BBS9: variants seen among roughly 807,000 people sequenced by gnomAD.
BBS9 encodes the protein protein PTHB1.
A neutral mutation model predicts 117.7 loss-of-function variants in BBS9; 89 were observed. The observed-to-expected ratio is 0.76, with a 90% CI of 0.64 to 0.90. The LOEUF (loss-of-function observed/expected upper bound fraction) is 0.90, where lower values mean the gene tolerates loss of function less well. Among genes scored for constraint, BBS9 ranks in the 40% least tolerant of loss-of-function variants. BBS9 has a pLI of 0.00. For missense variants in BBS9, 982 were observed against 1,042.2 expected, an observed-to-expected ratio of 0.94 and a Z score of 0.80; for synonymous variants, 379 against 370.9, an observed-to-expected ratio of 1.02 and a Z score of -0.25.
chr7:33,514,203 AT>A (rs1847392986), intron 20 of BBS9, among the ~76,000 whole-genome samples: 1 of 152,186 alleles, frequency 6.6e-6, no homozygotes, highest in Non-Finnish European at 1.5e-5. Context: ...CTCACGGAGT[AT>A]TGGTTTCCTT....
intron 5 of BBS9, among the ~76,000 whole-genome samples, chr7:33,247,359 G>A (rs1795505853): frequency 6.6e-6 from 1 of 152,074 alleles, no homozygotes; most frequent in African/African-American, 2.4e-5. Flanking sequence ...AGGGGTCTGG[G>A]ATAAGGATGC....
intron 9 of BBS9, among the ~76,000 whole-genome samples, chr7:33,329,856 A>G (rs935425542): frequency 6.6e-6 from 1 of 152,040 alleles, no homozygotes. Flanking sequence ...TAAAATGTAC[A>G]TTTTTTGATT....
intron 19 of BBS9, among the ~76,000 whole-genome samples, chr7:33,466,658 A>G (rs1840208890): frequency 6.6e-6 from 1 of 152,150 alleles, no homozygotes; most frequent in Non-Finnish European, 1.5e-5. Context: ...GTGGAAGAGT[A>G]AGAATCATGA....
chr7:33,487,169 G>A (rs1211008908), intron 19 of BBS9, among the ~76,000 whole-genome samples: 5 of 152,094 alleles, frequency 3.3e-5, no homozygotes, highest in African/African-American at 4.8e-5. Flanking sequence ...CTCTTAAATA[G>A]CATTCTTTGT....
intron 14 of BBS9, 21 bp downstream of exon 14, chr7:33,351,344 ATTACT>A (rs1818613770): frequency 1.3e-6 from 2 of 1,510,178 alleles, no homozygotes; most frequent in Non-Finnish European, 9.2e-7. Flanking sequence ...AGGCTTAATC[ATTACT>A]TTAAGTTGTT....
At chr7:33,152,877 T>A in intron 3 of BBS9, 26 bp downstream of exon 3, 1 of 1,611,990 alleles carries the variant, frequency 6.2e-7, no homozygotes, top group Non-Finnish European at 8.5e-7. Flanking sequence ...AATTCTGGTA[T>A]TTTACTTGGA....
At chr7:33,525,719 CTT>C (rs1371731538) in intron 20 of BBS9, among the ~76,000 whole-genome samples, 3 of 125,194 alleles carry the variant, frequency 2.4e-5, no homozygotes, top group African/African-American at 3.3e-5. Context: ...CAGTCTGTGT[CTT>C]TTAATTGGAG....
chr7:33,341,210 G>A (rs894725369), intron 11 of BBS9, among the ~76,000 whole-genome samples: 2 of 152,106 alleles, frequency 1.3e-5, no homozygotes, highest in Admixed American at 1.3e-4. Context: ...GGAAGAGAGA[G>A]CAGTAGGAGG....
chr7:33,526,331 T>C (rs1171928999), intron 20 of BBS9, among the ~76,000 whole-genome samples: 1 of 152,220 alleles, frequency 6.6e-6, no homozygotes, highest in African/African-American at 2.4e-5. Flanking sequence ...CTGGATAATA[T>C]CCTGTAGAGT....
intron 5 of BBS9, among the ~76,000 whole-genome samples, chr7:33,199,603 T>A (rs1785504222): frequency 6.6e-6 from 1 of 151,818 alleles, no homozygotes; most frequent in South Asian, 2.1e-4. Context: ...TTTTTTAATG[T>A]TATACTTACT....
downstream of BBS9, among the ~76,000 whole-genome samples, chr7:33,607,513 A>T (rs1864643636): frequency 6.6e-6 from 1 of 152,108 alleles, no homozygotes; most frequent in South Asian, 2.1e-4. Context: ...AAAGAATAAC[A>T]AGTCACATTT....
chr7:33,420,798 T>C (rs1383587646), intron 19 of BBS9, among the ~76,000 whole-genome samples: 1 of 152,198 alleles, frequency 6.6e-6, no homozygotes, highest in Non-Finnish European at 1.5e-5. Flanking sequence ...TTTTAGCAGG[T>C]ATTAGTAAAA....
chr7:33,274,628 A>C (rs939466257), intron 9 of BBS9, among the ~76,000 whole-genome samples: 1 of 152,218 alleles, frequency 6.6e-6, no homozygotes, highest in Non-Finnish European at 1.5e-5. Context: ...TAGAAATACA[A>C]CTTTCCATAA....
chr7:33,253,590 C>T (rs530088820), intron 5 of BBS9, among the ~76,000 whole-genome samples: 5 of 152,168 alleles, frequency 3.3e-5, no homozygotes, highest in African/African-American at 7.2e-5. Flanking sequence ...CCAGCCTGGG[C>T]GAGGGAGCGA....
At chr7:33,543,149 C>T (rs1044129141) in intron 21 of BBS9, among the ~76,000 whole-genome samples, 6 of 152,078 alleles carry the variant, frequency 3.9e-5, no homozygotes, top group Admixed American at 6.5e-5. Context: ...TGATTATGGC[C>T]ATTCTTGCAG....
At chr7:33,506,370 A>G (rs1846152862) in intron 20 of BBS9, among the ~76,000 whole-genome samples, 1 of 152,226 alleles carries the variant, frequency 6.6e-6, no homozygotes, top group Non-Finnish European at 1.5e-5. Context: ...ATTGGATGAA[A>G]ACATTTCAAG....
intron 7 of BBS9, 43 bp downstream of exon 7, chr7:33,264,417 A>G (rs1798466681): frequency 1.8e-6 from 2 of 1,095,050 alleles, no homozygotes; most frequent in Admixed American, 2.0e-5. Context: ...ATAATGCTAT[A>G]TCTAATCACA....
chr7:33,346,263 A>G, intron 12 of BBS9: 1 of 470,590 alleles, frequency 2.1e-6, no homozygotes. Context: ...TTCCATCATA[A>G]TAAATCCTGT....
chr7:33,358,018 C>G (rs568573892), intron 16 of BBS9, 23 bp downstream of exon 16: 4 of 1,606,504 alleles, frequency 2.5e-6, no homozygotes, highest in Non-Finnish European at 3.4e-6. Flanking sequence ...AAATAACATG[C>G]CTGCAGCATC....
Sources: allele counts gnomAD v4.1 joint callset (sites outside exome capture counted in the v4.1 genomes callset), GRCh38; gene constraint gnomAD v4.1.1; transcripts MANE v1.5; gene names NCBI Gene and HGNC (gene_info 2026-07-23, HGNC 2026-07-21).